The following DPF3 variants were observed in gnomAD, a reference collection of about 807,000 sequenced individuals.
DPF3 encodes double PHD fingers 3.
Under a neutral mutation model 56.8 loss-of-function variants are expected in DPF3, and 18 were observed. The ratio of observed to expected loss-of-function variants is 0.32; its 90% CI spans 0.22 to 0.47. The LOEUF is 0.47. DPF3 is among the 20% of genes least tolerant of loss of function. The pLI is 1.00. For missense variants in DPF3, 403 were observed against 488.8 expected, an observed-to-expected ratio of 0.82 and a Z score of 1.65; for synonymous variants, 188 against 180.2, an observed-to-expected ratio of 1.04 and a Z score of -0.35.
chr14:72,754,596 A>T (rs991460237), intron 2 of DPF3, among the ~76,000 whole-genome samples: 1 of 152,220 alleles, frequency 6.6e-6, no homozygotes, highest in Non-Finnish European at 1.5e-5. Context: ...CACTGTGCAC[A>T]CCTAGGACCA....
At chr14:72,730,553 C>G (rs962805368) in intron 4 of DPF3, among the ~76,000 whole-genome samples, 1 of 152,110 alleles carries the variant, frequency 6.6e-6, no homozygotes, top group African/African-American at 2.4e-5. Flanking sequence ...GTGAGCATGA[C>G]CGCATTGGCC....
intron 1 of DPF3, chr14:72,892,108 C>A: frequency 1.3e-6 from 2 of 1,506,748 alleles, no homozygotes; most frequent in Non-Finnish European, 8.8e-7. Context: ...AGCGGGCTCC[C>A]GGGTAACTAG....
chr14:72,732,245 G>A (rs1255738862), intron 3 of DPF3, among the ~76,000 whole-genome samples: 4 of 152,248 alleles, frequency 2.6e-5, no homozygotes, highest in Non-Finnish European at 4.4e-5. Flanking sequence ...CAAGGCAGGC[G>A]TCAGGAGCGT....
rs57886183 is a variant in DPF3 at position 72,764,484 on chromosome 14, GTTTTTTTTTTTTTTT to G, written c.193+7234_193+7248del. ...AGTATGCAAACTATTTTCCTGAGTT[GTTTTTTTTTTTTTTT>G]TTTTTTTTTTTTTTTGAGGCGGAAT... On this transcript the variant is annotated intron_variant, in intron 2 of 10. Coordinates refer to ENST00000556509, the MANE Select transcript of DPF3 (RefSeq NM_001280542.3). Among the ~76,000 whole-genome samples, 435 of 52,820 alleles carry G rather than the reference GTTTTTTTTTTTTTTT, an allele frequency of 8.2e-3. 3 individuals are homozygous for G. The highest frequency in any genetic ancestry group is 0.032 in the African/African-American group (411 of 12,786). 34.7% of individuals were successfully genotyped at this position (52,820 alleles called of 152,430 possible). A position where few individuals can be genotyped will look rare whatever the true frequency, so the allele number is the denominator to read the frequency against.
At chr14:72,811,297 T>C (rs557682337) in intron 1 of DPF3, among the ~76,000 whole-genome samples, 19 of 152,208 alleles carry the variant, frequency 1.2e-4, no homozygotes, top group Admixed American at 9.8e-4. Flanking sequence ...TCAAATCATA[T>C]CAATTAGTGT....
At chr14:72,814,627 CA>C (rs1260159425) in intron 1 of DPF3, among the ~76,000 whole-genome samples, 1 of 152,020 alleles carries the variant, frequency 6.6e-6, no homozygotes, top group Non-Finnish European at 1.5e-5. Context: ...CCAGCCTGGC[CA>C]ACAAGGTGAA....
At chr14:72,850,880 CTCTT>C (rs1884957790) in intron 1 of DPF3, among the ~76,000 whole-genome samples, 1 of 152,210 alleles carries the variant, frequency 6.6e-6, no homozygotes, top group Admixed American at 6.5e-5. Context: ...TAGATTAACA[CTCTT>C]TCTTCTCATT....
At chr14:72,688,557 G>A (rs1024028509) in intron 7 of DPF3, among the ~76,000 whole-genome samples, 1 of 152,176 alleles carries the variant, frequency 6.6e-6, no homozygotes, top group East Asian at 1.9e-4. Flanking sequence ...TTCTAGTCCA[G>A]AGCTCTTTCT....
rs370898563 is a variant in DPF3 at position 72,641,592 on chromosome 14, A to G, written c.872-11856T>C. On this transcript the variant is annotated intron_variant, in intron 8 of 10. Coordinates refer to ENST00000556509, the MANE Select transcript of DPF3 (RefSeq NM_001280542.3). The stretch of plus-strand genomic sequence containing the variant: ...CCCAGAGTCTGATCAAGTGGCAGTG[A>G]TGAAAATTCTCCAGGAGGGAAGTTG... 2.6e-5 allele frequency among the ~76,000 whole-genome samples: 4 copies of G among 152,332 alleles called. No homozygotes were observed. The East Asian group carries it at 5.8e-4, about 22-fold the overall frequency.
intron 1 of DPF3, among the ~76,000 whole-genome samples, chr14:72,776,362 G>C (rs2139953306): frequency 6.6e-6 from 1 of 152,296 alleles, no homozygotes; most frequent in Non-Finnish European, 1.5e-5. Flanking sequence ...TTGCAGCAGT[G>C]CTGGCTGCCT....
intron 3 of DPF3, among the ~76,000 whole-genome samples, chr14:72,752,656 C>T (rs893603394): frequency 6.6e-5 from 10 of 152,226 alleles, no homozygotes; most frequent in Non-Finnish European, 8.8e-5. Context: ...AAGCTAGACT[C>T]TGTCTCAAAA....
At chr14:72,849,206 T>G (rs1884875577) in intron 1 of DPF3, among the ~76,000 whole-genome samples, 1 of 152,198 alleles carries the variant, frequency 6.6e-6, no homozygotes, top group Non-Finnish European at 1.5e-5. Flanking sequence ...GGTTATAAGT[T>G]TCAAGGGCTG....
At chr14:72,807,946 C>T (rs111998581) in intron 1 of DPF3, among the ~76,000 whole-genome samples, 4 of 152,152 alleles carry the variant, frequency 2.6e-5, no homozygotes, top group African/African-American at 9.7e-5. Context: ...GCCTGGGCGA[C>T]AGAGCAAGAA....
chr14:72,756,968 A>AGAAGAGAAAGG (rs1226732727), intron 2 of DPF3, among the ~76,000 whole-genome samples: 53 of 132,852 alleles, frequency 4.0e-4, no homozygotes, highest in South Asian at 3.6e-3. Flanking sequence ...AAAGAGGGGG[A>AGAAGAGAAAGG]GAGAGGGAAA....
At chr14:72,689,172 G>C (rs1887565089) in intron 7 of DPF3, among the ~76,000 whole-genome samples, 1 of 152,180 alleles carries the variant, frequency 6.6e-6, no homozygotes, top group African/African-American at 2.4e-5. Flanking sequence ...ACCAGGCGCG[G>C]GATGAGCCAT....
At chr14:72,841,628 T>G (rs1227938337) in intron 1 of DPF3, among the ~76,000 whole-genome samples, 1 of 152,168 alleles carries the variant, frequency 6.6e-6, no homozygotes, top group Admixed American at 6.5e-5. Flanking sequence ...AATTTCCATT[T>G]CGAGTAGCAG....
At chr14:72,714,565 C>A in intron 5 of DPF3, 64 bp from the exon 6 acceptor site, 13 of 1,576,268 alleles carry the variant, frequency 8.2e-6, no homozygotes, top group Non-Finnish European at 1.1e-5. Context: ...CCGGAGCATG[C>A]GCTCTGCGAG....
intron 1 of DPF3, among the ~76,000 whole-genome samples, chr14:72,887,729 G>A (rs1886602750): frequency 6.6e-6 from 1 of 152,188 alleles, no homozygotes; most frequent in Non-Finnish European, 1.5e-5. Context: ...GTTGCCTGTA[G>A]CTCTGGAAGC....
intron 2 of DPF3, among the ~76,000 whole-genome samples, chr14:72,756,847 A>AGGAAGGAAG (rs776370240): frequency 8.3e-6 from 1 of 120,218 alleles, no homozygotes; most frequent in African/African-American, 3.4e-5. Flanking sequence ...AAAGAAAGAA[A>AGGAAGGAAG]GAAAGAAAGA....
Sources: gnomAD v4.1 joint callset for allele counts (sites outside exome capture counted in the v4.1 genomes callset) on GRCh38, gnomAD v4.1.1 for gene constraint, MANE v1.5 for transcripts, NCBI Gene and HGNC (gene_info 2026-07-23, HGNC 2026-07-21) for gene names.